Variants in ESRRG observed in about 807,000 individuals in gnomAD.
The protein encoded by ESRRG is estrogen-related receptor gamma.
In ESRRG, 13 loss-of-function variants were observed where a neutral mutation model predicts 44.0. The ratio of observed to expected loss-of-function variants is 0.30; its 90% confidence interval spans 0.19 to 0.47. The LOEUF is 0.47. Among genes scored for constraint, ESRRG ranks in the 20% least tolerant of loss-of-function variants. The pLI is 1.00. For missense variants in ESRRG, 395 were observed against 580.6 expected (o/e 0.68, Z 3.29); for synonymous variants, 215 against 214.6 (o/e 1.00, Z -0.02).
chr1:217,072,726 C>T (rs1297753228), intron 1 of ESRRG, among the ~76,000 whole-genome samples: 1 of 152,012 alleles, frequency 6.6e-6, no homozygotes, highest in East Asian at 1.9e-4. Context: ...TCTCCTATGA[C>T]ACGAGCTGTC....
intron 3 of ESRRG, among the ~76,000 whole-genome samples, chr1:216,571,358 G>A (rs923674167): frequency 2.0e-5 from 3 of 152,020 alleles, no homozygotes; most frequent in East Asian, 1.9e-4. Flanking sequence ...TAGGAGAATC[G>A]CTTAAACCTG....
At chr1:216,812,156 A>G (rs1246469871) in intron 2 of ESRRG, among the ~76,000 whole-genome samples, 2 of 152,198 alleles carry the variant, frequency 1.3e-5, no homozygotes, top group Non-Finnish European at 2.9e-5. Flanking sequence ...CAGAGAAGAT[A>G]CCAAAAGAAA....
intron 1 of ESRRG, among the ~76,000 whole-genome samples, chr1:217,101,670 T>A (rs1441242191): frequency 2.0e-5 from 3 of 152,334 alleles, no homozygotes; most frequent in Admixed American, 2.0e-4. Flanking sequence ...ACCTCCCACA[T>A]CAGCAAACAC....
At chr1:217,037,806 G>A (rs949777982) in intron 1 of ESRRG, among the ~76,000 whole-genome samples, 9 of 152,152 alleles carry the variant, frequency 5.9e-5, no homozygotes, top group African/African-American at 1.7e-4. Flanking sequence ...ATACAATAGG[G>A]GTACAGGCAT....
intron 2 of ESRRG, among the ~76,000 whole-genome samples, chr1:216,801,695 G>A (rs527453715): frequency 6.6e-5 from 10 of 152,200 alleles, no homozygotes; most frequent in South Asian, 6.2e-4. Flanking sequence ...GATTAGTGAC[G>A]TTGAGTACCT....
intron 2 of ESRRG, among the ~76,000 whole-genome samples, chr1:216,785,339 G>T (rs979767369): frequency 6.6e-6 from 1 of 152,082 alleles, no homozygotes; most frequent in African/African-American, 2.4e-5. Context: ...TAGGAGGAGA[G>T]GAGGGAAAGC....
chr1:216,601,733 G>A (rs950930365), intron 3 of ESRRG, among the ~76,000 whole-genome samples: 7 of 152,152 alleles, frequency 4.6e-5, no homozygotes, highest in Non-Finnish European at 7.3e-5. Flanking sequence ...TGTTACTTAA[G>A]ATTTAGAAAG....
intron 1 of ESRRG, among the ~76,000 whole-genome samples, chr1:217,085,481 A>ATTTTTTTTTTTTTTTTT (rs148354268): frequency 6.1e-5 from 3 of 49,130 alleles, no homozygotes; most frequent in African/African-American, 2.8e-4. Flanking sequence ...TTTTCTTTTC[A>ATTTTTTTTTTTTTTTTT]TTTTTTTTTT....
At chr1:216,572,109 C>T (rs1030921263) in intron 3 of ESRRG, among the ~76,000 whole-genome samples, 2 of 152,064 alleles carry the variant, frequency 1.3e-5, no homozygotes, top group Non-Finnish European at 1.5e-5. Context: ...AATCTGTCTT[C>T]TATGCATTGT....
At chr1:216,573,410 C>T (rs1416126441) in intron 3 of ESRRG, among the ~76,000 whole-genome samples, 1 of 151,768 alleles carries the variant, frequency 6.6e-6, no homozygotes, top group African/African-American at 2.4e-5. Flanking sequence ...AGAGTATATC[C>T]TCCATGATGT....
At chr1:216,551,899 C>A (rs2056440455) in intron 5 of ESRRG, among the ~76,000 whole-genome samples, 1 of 152,130 alleles carries the variant, frequency 6.6e-6, no homozygotes, top group Non-Finnish European at 1.5e-5. Flanking sequence ...GTTCCATCAA[C>A]CAAACTCTCG....
At chr1:217,017,478 CAA>C (rs55820027) in intron 1 of ESRRG, among the ~76,000 whole-genome samples, 17 of 82,500 alleles carry the variant, frequency 2.1e-4, no homozygotes, top group East Asian at 5.5e-4. Context: ...CTACATAACT[CAA>C]AAAAAAAAAA....
chr1:216,569,678 T>G (rs2149634879), intron 3 of ESRRG, among the ~76,000 whole-genome samples: 1 of 152,320 alleles, frequency 6.6e-6, no homozygotes, highest in East Asian at 1.9e-4. Flanking sequence ...TTTGCAATAT[T>G]ACATTGTACT....
chr1:216,949,532 T>C (rs2066612140), intron 1 of ESRRG, among the ~76,000 whole-genome samples: 1 of 152,164 alleles, frequency 6.6e-6, no homozygotes, highest in Admixed American at 6.5e-5. Flanking sequence ...ATAATGTACA[T>C]CATAGTTAGC....
chr1:216,907,029 T>G (rs138139056), intron 2 of ESRRG, among the ~76,000 whole-genome samples: 1 of 152,120 alleles, frequency 6.6e-6, no homozygotes, highest in Non-Finnish European at 1.5e-5. Flanking sequence ...GTGCATTAAT[T>G]TGGAACACTG....
At position 216,550,362 on chromosome 1, in the gene ESRRG, T is replaced by C. The variant is rs191219545; in HGVS notation, c.862+13857A>G. On this transcript the variant is annotated intron_variant, in intron 5 of 6. Transcript: ENST00000408911. Reference sequence around the variant, plus strand: ...TTATTAGACGGAGATTACTATTCCTTAAAATGCGGACGAGGCCTGATCATG... The same window carrying C: ...TTATTAGACGGAGATTACTATTCCTCAAAATGCGGACGAGGCCTGATCATG... Among the ~76,000 whole-genome samples the C allele has an allele frequency of 2.1e-3, 320 of 152,276 alleles. 1 individual carries two copies. Among genetic ancestry groups the C allele is most frequent in the African/African-American group, 7.3e-3 (302 of 41,574 alleles).
chr1:217,015,731 AT>A (rs11347206), intron 1 of ESRRG, among the ~76,000 whole-genome samples: 28,868 of 142,000 alleles, frequency 0.2, 3,126 homozygotes, highest in East Asian at 0.45. Flanking sequence ...GGGCAGCTAG[AT>A]TTTTTTTTTT....
At position 216,507,105 on chromosome 1, in the gene ESRRG, G is replaced by C; in HGVS notation, c.1211C>G (p.Ala404Gly). ...ACGAGGGTCTTCCATGTGCTGGCCA[G>C]CTTCATAATCCTGCAGCGCTTCATG... ...VLHEALQDYE[A>G]GQHMEDPRRA... is the part of the protein sequence containing the mutation. The change falls in exon 7 of 7, where the codon GCT (alanine) becomes GGT (glycine). Residue 404 changes from alanine (A) to glycine (G), a missense_variant. Ala to Gly is a moderately conservative substitution (Grantham distance 60). This residue lies in a region of ESRRG where 167 missense variants were observed against 251.8 expected (regional missense o/e 0.66). Transcript: ENST00000408911. 1 of 1,613,982 alleles carries C rather than the reference G, an allele frequency of 6.2e-7. No individual in the cohort carries two copies. Among genetic ancestry groups the C allele is most frequent in the Non-Finnish European group, 8.5e-7 (1 of 1,180,016 alleles).
At chr1:217,022,659 C>T (rs972763794) in intron 1 of ESRRG, among the ~76,000 whole-genome samples, 1 of 152,166 alleles carries the variant, frequency 6.6e-6, no homozygotes, top group African/African-American at 2.4e-5. Context: ...GGCACCTCAA[C>T]CGGTATGTCT....
Sources: gnomAD v4.1 joint callset for allele counts (sites outside exome capture counted in the v4.1 genomes callset) on GRCh38, gnomAD v4.1.1 for gene constraint, gnomAD v4.1.1 regional missense constraint, MANE v1.5 for transcripts, NCBI Gene and HGNC (gene_info 2026-07-23, HGNC 2026-07-21) for gene names.